Variants in NSD1 observed in about 807,000 individuals in gnomAD.
NSD1 encodes the protein histone-lysine N-methyltransferase, H3 lysine-36 specific.
In NSD1, 26 loss-of-function variants were observed where a neutral mutation model predicts 242.7. The ratio of observed to expected loss-of-function variants is 0.11; its 90% confidence interval spans 0.08 to 0.15. NSD1 has a LOEUF of 0.15. Among genes scored for constraint, NSD1 ranks in the 10% least tolerant of loss-of-function variants. NSD1 has a pLI of 1.00. For synonymous variants in NSD1, 1,106 were observed against 1,178.1 expected (o/e 0.94, Z 1.25); for missense variants, 2,495 against 3,272.8 (o/e 0.76, Z 5.80).
At chr5:177,263,844 A>G (rs1757185217) in intron 14 of NSD1, among the ~76,000 whole-genome samples, 1 of 152,186 alleles carries the variant, frequency 6.6e-6, no homozygotes, top group Non-Finnish European at 1.5e-5. Context: ...ACTGCAAAAT[A>G]ATGGCGAATG....
intron 2 of NSD1, among the ~76,000 whole-genome samples, chr5:177,154,639 T>C (rs1757974187): frequency 6.6e-6 from 1 of 152,172 alleles, no homozygotes; most frequent in African/African-American, 2.4e-5. Context: ...CTTTTTCACA[T>C]AATGGTGTAT....
At chr5:177,148,053 G>A (rs1203371499) in intron 2 of NSD1, among the ~76,000 whole-genome samples, 1 of 151,686 alleles carries the variant, frequency 6.6e-6, no homozygotes, top group Non-Finnish European at 1.5e-5. Flanking sequence ...GTGACTGTAA[G>A]TTTTCACTTC....
intron 20 of NSD1, among the ~76,000 whole-genome samples, chr5:177,287,492 T>G (rs1759429724): frequency 6.6e-6 from 1 of 152,036 alleles, no homozygotes; most frequent in South Asian, 2.1e-4. Context: ...AAAAACTAGC[T>G]GGGCGTGGTG....
chr5:177,159,003 T>TATATATATATGAATG (rs1554173288), intron 2 of NSD1, among the ~76,000 whole-genome samples: 27 of 80,120 alleles, frequency 3.4e-4, no homozygotes, highest in African/African-American at 1.8e-3. Flanking sequence ...TGATTTTATA[T>TATATATATATGAATG]ATATATATAT....
intron 20 of NSD1, chr5:177,288,480 G>A: frequency 3.2e-6 from 1 of 316,556 alleles, no homozygotes; most frequent in Admixed American, 4.6e-5. Flanking sequence ...CCCAGGGCCT[G>A]ACACATTGAT....
chr5:177,251,642 C>T lies in NSD1; in HGVS notation c.4642-88C>T, dbSNP rs557391045. On this transcript the variant is annotated intron_variant, in intron 11 of 22. Transcript: ENST00000439151. ...TCACCTCCTTTTCTGCCACTTTTAA[C>T]CTTTGTTTACTTTAACCCACTGACA... 21 of 1,409,532 alleles carry T rather than the reference C, an allele frequency of 1.5e-5. No individual in the cohort carries two copies. The South Asian group carries it at 2.5e-4, about 17-fold the overall frequency. The allele number at this position is 1,409,532 out of a possible 1,614,324, so 87.3% of individuals were successfully genotyped here.
intron 11 of NSD1, 108 bp downstream of exon 11, chr5:177,248,432 A>G: frequency 7.3e-7 from 1 of 1,361,362 alleles, no homozygotes; most frequent in Non-Finnish European, 1.0e-6. Flanking sequence ...ATGCTTTTGG[A>G]TGATTCCAGT....
In NSD1 at chr5:177,195,702, C is replaced by G. The variant is rs188109506; in HGVS notation, c.1063+3683C>G. Among the ~76,000 whole-genome samples, 39 of 152,264 alleles carry G rather than the reference C, an allele frequency of 2.6e-4. No individual in the cohort carries two copies. The East Asian group carries it at 6.2e-3, about 24-fold the overall frequency. ...CAGGCTGGTCTGAAACTCCTGGGCT[C>G]AAGCGATCTGCCCGCCTCGGCCTCC... On this transcript the variant is annotated intron_variant, in intron 3 of 22. Transcript: ENST00000439151.
chr5:177,235,184 G>C (rs1187005637), intron 5 of NSD1, among the ~76,000 whole-genome samples: 2 of 152,162 alleles, frequency 1.3e-5, no homozygotes, highest in African/African-American at 4.8e-5. Flanking sequence ...TATTCCACAT[G>C]GTGGCTGAGA....
At chr5:177,158,995 A>G (rs1327956334) in intron 2 of NSD1, among the ~76,000 whole-genome samples, 2 of 67,032 alleles carry the variant, frequency 3.0e-5, no homozygotes, top group African/African-American at 2.1e-4. Context: ...TATATGAATG[A>G]TTTTATATAT....
intron 2 of NSD1, among the ~76,000 whole-genome samples, chr5:177,137,932 G>C (rs918585206): frequency 6.6e-6 from 1 of 151,850 alleles, no homozygotes; most frequent in Non-Finnish European, 1.5e-5. Context: ...AAAATTAGCC[G>C]GGCGTGATGG....
chr5:177,193,263 C>T (rs1465109107), intron 3 of NSD1, among the ~76,000 whole-genome samples: 1 of 152,084 alleles, frequency 6.6e-6, no homozygotes, highest in Non-Finnish European at 1.5e-5. Flanking sequence ...GCCTCAGCCT[C>T]CCGAGTAGCT....
At chr5:177,137,135 C>G in intron 2 of NSD1, 4 of 398,744 alleles carry the variant, frequency 1.0e-5, no homozygotes, top group Non-Finnish European at 1.3e-5. Flanking sequence ...GACTTTCTAG[C>G]TAAATGATCA....
At chr5:177,257,973 C>CTTT (rs35034666) in intron 13 of NSD1, among the ~76,000 whole-genome samples, 889 of 52,340 alleles carry the variant, frequency 0.017, 34 homozygotes, top group African/African-American at 0.032. Flanking sequence ...CCCCCTGGGC[C>CTTT]TTTTTTTTTT....
At chr5:177,151,901 C>T (rs1757740828) in intron 2 of NSD1, among the ~76,000 whole-genome samples, 2 of 151,876 alleles carry the variant, frequency 1.3e-5, no homozygotes, top group Non-Finnish European at 1.5e-5. Context: ...TGCCCCATCG[C>T]CCAGGCTGGA....
intron 14 of NSD1, among the ~76,000 whole-genome samples, chr5:177,261,236 A>ATTT (rs10652091): frequency 5.4e-3 from 405 of 74,674 alleles, no homozygotes; most frequent in East Asian, 0.02. Flanking sequence ...TGCCCCACTA[A>ATTT]TTTTTTTTTT....
At chr5:177,157,950 A>G (rs1446535130) in intron 2 of NSD1, among the ~76,000 whole-genome samples, 1 of 152,142 alleles carries the variant, frequency 6.6e-6, no homozygotes, top group Non-Finnish European at 1.5e-5. Context: ...ATTCCATTTT[A>G]CTGCTGAATA....
intron 12 of NSD1, among the ~76,000 whole-genome samples, chr5:177,254,669 A>G (rs1366920991): frequency 6.6e-6 from 1 of 151,916 alleles, no homozygotes; most frequent in Non-Finnish European, 1.5e-5. Context: ...CAAACTCCCA[A>G]AGGGCTGGGA....
chr5:177,286,619 T>C (rs1369156932), intron 20 of NSD1, among the ~76,000 whole-genome samples: 1 of 152,220 alleles, frequency 6.6e-6, no homozygotes, highest in East Asian at 1.9e-4. Context: ...CTCATTCTTT[T>C]CTCCCTTTTT....
Sources: allele counts gnomAD v4.1 joint callset (sites outside exome capture counted in the v4.1 genomes callset), GRCh38; gene constraint gnomAD v4.1.1; transcripts MANE v1.5; gene names NCBI Gene and HGNC (gene_info 2026-07-23, HGNC 2026-07-21).